CNTLN: variants seen among roughly 807,000 people sequenced by gnomAD.
CNTLN encodes centlein.
CNTLN carries 212 observed loss-of-function variants against 180.0 expected under a neutral mutation model. That is an observed-to-expected ratio of 1.18 (90% CI 1.05 to 1.32). CNTLN has a LOEUF of 1.32. Ranked by LOEUF, CNTLN falls within the 40% of genes most tolerant of loss-of-function variation. The pLI is 0.00. For synonymous variants in CNTLN, 722 were observed against 563.1 expected, an observed-to-expected ratio of 1.28 and a Z score of -3.99; for missense variants, 2,095 against 1,610.9, an observed-to-expected ratio of 1.30 and a Z score of -5.14.
chr9:17,197,632 T>C (rs1822219850), intron 2 of CNTLN, among the ~76,000 whole-genome samples: 1 of 152,228 alleles, frequency 6.6e-6, no homozygotes, highest in Admixed American at 6.5e-5. Flanking sequence ...ACTCTGGTTA[T>C]TAATCCATTG....
rs868061137 is a variant in CNTLN at position 17,424,971 on chromosome 9, C to G, written c.3114+8782C>G. On this transcript the variant is annotated intron_variant, in intron 18 of 25. Coordinates refer to ENST00000380647, the MANE Select transcript of CNTLN (RefSeq NM_017738.4). ...TTCTGTTGTAGAAATAGACAGCAAA[C>G]TAAGACGGATATCACATGAAATTTT... is the stretch of plus-strand genomic sequence containing the variant. 1.6e-4 allele frequency among the ~76,000 whole-genome samples: 24 copies of G among 152,270 alleles called. 1 individual carries two copies. The highest frequency in any genetic ancestry group is 1.2e-3 in the South Asian group (6 of 4,828).
At chr9:17,410,900 G>C (rs1043313266) in intron 16 of CNTLN, among the ~76,000 whole-genome samples, 3 of 152,028 alleles carry the variant, frequency 2.0e-5, no homozygotes, top group Non-Finnish European at 4.4e-5. Context: ...GTATCATGCT[G>C]TCTTAGTTAC....
chr9:17,163,674 C>G (rs1478007670), intron 2 of CNTLN, among the ~76,000 whole-genome samples: 1 of 152,104 alleles, frequency 6.6e-6, no homozygotes, highest in East Asian at 1.9e-4. Context: ...TATTATAATA[C>G]AAGGTAGTGG....
intron 8 of CNTLN, among the ~76,000 whole-genome samples, chr9:17,329,373 G>A (rs886508414): frequency 3.9e-5 from 6 of 151,962 alleles, no homozygotes; most frequent in Non-Finnish European, 5.9e-5. Flanking sequence ...TTAAAATGGG[G>A]ATAAAAGAAT....
intron 6 of CNTLN, 84 bp from the exon 7 acceptor site, chr9:17,298,106 A>G (rs913796637): frequency 6.7e-6 from 8 of 1,200,934 alleles, no homozygotes; most frequent in Non-Finnish European, 7.7e-6. Context: ...CAGGATGCCA[A>G]TCTGTAACCT....
intron 3 of CNTLN, 123 bp downstream of exon 3, chr9:17,226,410 A>C: frequency 2.0e-6 from 1 of 496,348 alleles, no homozygotes. Flanking sequence ...ATGTTAAAGC[A>C]TTACTATTTT....
At chr9:17,486,240 C>G (rs1202523662) in intron 24 of CNTLN, among the ~76,000 whole-genome samples, 6 of 152,112 alleles carry the variant, frequency 3.9e-5, no homozygotes, top group Non-Finnish European at 8.8e-5. Context: ...AAATTCACAT[C>G]AGAAACTGTG....
chr9:17,312,831 G>A (rs10810748), intron 8 of CNTLN, among the ~76,000 whole-genome samples: 90,911 of 151,926 alleles, frequency 0.6, 27,487 homozygotes, highest in East Asian at 0.73. Flanking sequence ...ATCAATATTA[G>A]TTATGTCATT....
intron 2 of CNTLN, among the ~76,000 whole-genome samples, chr9:17,188,163 A>C (rs547757953): frequency 5.3e-5 from 8 of 151,924 alleles, no homozygotes; most frequent in Non-Finnish European, 1.0e-4. Context: ...GTTTTAAATA[A>C]AGAACTTGCT....
intron 5 of CNTLN, among the ~76,000 whole-genome samples, chr9:17,271,983 C>A (rs995179363): frequency 5.3e-5 from 8 of 151,928 alleles, no homozygotes; most frequent in Non-Finnish European, 1.0e-4. Context: ...TGAATTGGTT[C>A]CCATATTTGC....
At chr9:17,346,546 T>A (rs540298552) in intron 12 of CNTLN, among the ~76,000 whole-genome samples, 1 of 152,304 alleles carries the variant, frequency 6.6e-6, no homozygotes, top group South Asian at 2.1e-4. Flanking sequence ...CTTGAAAAAT[T>A]TGCTACTTCC....
At chr9:17,436,902 C>T (rs998258986) in intron 18 of CNTLN, among the ~76,000 whole-genome samples, 1 of 152,124 alleles carries the variant, frequency 6.6e-6, no homozygotes, top group African/African-American at 2.4e-5. Context: ...TTACCTTACC[C>T]CAATAGTTTG....
At chr9:17,426,147 A>G (rs1213299125) in intron 18 of CNTLN, among the ~76,000 whole-genome samples, 1 of 152,198 alleles carries the variant, frequency 6.6e-6, no homozygotes, top group Non-Finnish European at 1.5e-5. Flanking sequence ...GAAGAAATAG[A>G]CAATGAAGGA....
intron 2 of CNTLN, among the ~76,000 whole-genome samples, chr9:17,204,876 A>T (rs1367102985): frequency 6.6e-6 from 1 of 152,132 alleles, no homozygotes; most frequent in African/African-American, 2.4e-5. Flanking sequence ...TTCCTTCACA[A>T]ATGCCCTGCC....
At chr9:17,274,551 A>T (rs977966120) in intron 6 of CNTLN, among the ~76,000 whole-genome samples, 2 of 151,986 alleles carry the variant, frequency 1.3e-5, no homozygotes, top group African/African-American at 4.8e-5. Flanking sequence ...AAGGACATGC[A>T]TGCATGTTTG....
At chr9:17,490,714 G>A (rs1286824071) in intron 25 of CNTLN, among the ~76,000 whole-genome samples, 2 of 151,932 alleles carry the variant, frequency 1.3e-5, no homozygotes, top group African/African-American at 4.8e-5. Flanking sequence ...AAAATGGTGA[G>A]TTTTGCTATG....
chr9:17,355,187 A>T (rs1229183366), intron 12 of CNTLN, among the ~76,000 whole-genome samples: 1 of 152,118 alleles, frequency 6.6e-6, no homozygotes, highest in Non-Finnish European at 1.5e-5. Flanking sequence ...ACACTGGTTA[A>T]TTTTTGTGTT....
intron 18 of CNTLN, chr9:17,447,228 T>G (rs1285986383): frequency 4.6e-6 from 1 of 215,652 alleles, no homozygotes; most frequent in African/African-American, 2.3e-5. Context: ...AAGTAGTAAT[T>G]AAGTTCCAAC....
chr9:17,361,224 A>T (rs769614561), intron 12 of CNTLN, among the ~76,000 whole-genome samples: 5 of 151,658 alleles, frequency 3.3e-5, no homozygotes, highest in Non-Finnish European at 5.9e-5. Context: ...TCCCCACCCC[A>T]CAACAGTCCC....
Sources: gnomAD v4.1 joint callset for allele counts (sites outside exome capture counted in the v4.1 genomes callset) on GRCh38, gnomAD v4.1.1 for gene constraint, MANE v1.5 for transcripts, NCBI Gene and HGNC (gene_info 2026-07-23, HGNC 2026-07-21) for gene names.